Variants in GOLGB1 observed in about 807,000 individuals in gnomAD.
GOLGB1 encodes golgin subfamily B member 1.
A neutral mutation model predicts 336.9 loss-of-function variants in GOLGB1; 174 were observed. The observed-to-expected ratio is 0.52, with a 90% CI of 0.46 to 0.59. The LOEUF (loss-of-function observed/expected upper bound fraction) is 0.59, where lower values mean the gene tolerates loss of function less well. Ranked by LOEUF, GOLGB1 falls within the 20% of genes least tolerant of loss-of-function variation. GOLGB1 has a pLI of 0.00. For synonymous variants in GOLGB1, 1,208 were observed against 1,289.2 expected (o/e 0.94, Z 1.35); for missense variants, 3,331 against 3,645.3 (o/e 0.91, Z 2.22).
chr3:121,717,981 T>C (rs1395109004), intron 8 of GOLGB1, among the ~76,000 whole-genome samples: 2 of 152,210 alleles, frequency 1.3e-5, no homozygotes, highest in Non-Finnish European at 2.9e-5. Flanking sequence ...ATATTTGCCT[T>C]TGATCTGTTA....
At chr3:121,674,634 G>T (rs1940068703) in intron 17 of GOLGB1, among the ~76,000 whole-genome samples, 1 of 152,152 alleles carries the variant, frequency 6.6e-6, no homozygotes, top group Non-Finnish European at 1.5e-5. Context: ...TATGCTGACA[G>T]CCCATCTACT....
At chr3:121,727,127 C>A in intron 4 of GOLGB1, 86 bp from the exon 5 acceptor site, 1 of 721,728 alleles carries the variant, frequency 1.4e-6, no homozygotes, top group Non-Finnish European at 2.0e-6. Context: ...TCATTTACAA[C>A]CATTTAGTTA....
chr3:121,672,705 T>G (rs1165148280), intron 17 of GOLGB1, among the ~76,000 whole-genome samples: 7 of 152,250 alleles, frequency 4.6e-5, no homozygotes, highest in African/African-American at 1.7e-4. Flanking sequence ...AAGCCTTGGC[T>G]AGATCCATGT....
chr3:121,716,467 T>C (rs1944782815), intron 9 of GOLGB1, among the ~76,000 whole-genome samples: 1 of 152,204 alleles, frequency 6.6e-6, no homozygotes. Flanking sequence ...ATCCTTCAGA[T>C]CAGTCATATT....
At chr3:121,683,592 A>G (rs906384717) in intron 14 of GOLGB1, among the ~76,000 whole-genome samples, 13 of 152,206 alleles carry the variant, frequency 8.5e-5, no homozygotes, top group Non-Finnish European at 1.8e-4. Flanking sequence ...CCCCTTAAAC[A>G]TGAAGAGTAC....
intron 17 of GOLGB1, among the ~76,000 whole-genome samples, chr3:121,672,005 T>A (rs1939611537): frequency 6.6e-6 from 1 of 152,264 alleles, no homozygotes; most frequent in African/African-American, 2.4e-5. Flanking sequence ...TAATATTCCC[T>A]TGTGTACATA....
rs539510780 is a variant in GOLGB1, at chr3:121,693,567, A to G, written c.6782+174T>C. The stretch of plus-strand genomic sequence containing the variant: ...AGATGCGAACTTTTCATGTTCATGC[A>G]GTTGTAGCAGGATTGTTGTTTGCCA... On this transcript the variant is annotated intron_variant, in intron 13 of 21. Transcript: ENST00000614479. Among the ~76,000 whole-genome samples, 9 of 152,302 alleles carry G rather than the reference A, an allele frequency of 5.9e-5. No individual in the cohort carries two copies. The South Asian group carries it at 1.9e-3, about 32-fold the overall frequency.
chr3:121,675,966 G>A lies in GOLGB1; in HGVS notation c.9177+927C>T, dbSNP rs9837056. Among the ~76,000 whole-genome samples the A allele has an allele frequency of 3.3e-3, 505 of 152,262 alleles. 6 individuals carry two copies. Among genetic ancestry groups the A allele is most frequent in the African/African-American group, 0.011 (474 of 41,542 alleles). ...TAGAGCTGTAAAGGGTGGAACTTCC[G>A]GAAATAGCTGATTTGCTGGAAGGGG... On this transcript the variant is annotated intron_variant, in intron 17 of 21. Transcript: ENST00000614479.
At chr3:121,740,696 AAG>A (rs529492585) in intron 1 of GOLGB1, among the ~76,000 whole-genome samples, 184 of 152,356 alleles carry the variant, frequency 1.2e-3, no homozygotes, top group Non-Finnish European at 1.6e-3. Flanking sequence ...GTAAGAAATT[AAG>A]AGTTACATAG....
At chr3:121,725,343 C>A (rs576134891) in intron 5 of GOLGB1, among the ~76,000 whole-genome samples, 28 of 152,282 alleles carry the variant, frequency 1.8e-4, no homozygotes, top group Admixed American at 3.3e-4. Context: ...GCAGAGGATG[C>A]TGAAAATGGA....
intron 14 of GOLGB1, among the ~76,000 whole-genome samples, chr3:121,687,253 C>T (rs1351805205): frequency 1.3e-5 from 2 of 152,124 alleles, no homozygotes; most frequent in Admixed American, 6.5e-5. Flanking sequence ...GAGAGCAAGA[C>T]TCCATCTCAA....
At chr3:121,681,351 G>C (rs1473327499) in intron 15 of GOLGB1, among the ~76,000 whole-genome samples, 1 of 152,218 alleles carries the variant, frequency 6.6e-6, no homozygotes, top group Non-Finnish European at 1.5e-5. Flanking sequence ...CTATAAACTA[G>C]TAGCACAAAG....
Position 121,691,475 on chromosome 3 carries a change from C to T in GOLGB1, c.7889G>A (p.Gly2630Asp), listed in dbSNP as rs1942411046. Residue 2630 changes from glycine to aspartate, a missense_variant, in exon 14 of 22, where the codon GGT (glycine) becomes GAT (aspartate). Gly to Asp is a moderately conservative substitution (Grantham distance 94, BLOSUM62 -1). Transcript: ENST00000614479. ...TRQVTALQEE[G>D]TLGLYHAQLK... ...CTGGGCATGATAGAGTCCTAAAGTA[C>T]CTTCTTCTTGCAAGGCTGTTACTTG... 9.9e-6 allele frequency: 16 copies of T among 1,613,338 alleles called. No homozygotes were observed. Among genetic ancestry groups the T allele is most frequent in the Non-Finnish European group, 1.4e-5 (16 of 1,179,880 alleles).
chr3:121,727,289 C>CATATATATATATATATATATAT (rs1216701208), intron 4 of GOLGB1, among the ~76,000 whole-genome samples: 1 of 44,374 alleles, frequency 2.3e-5, no homozygotes, highest in East Asian at 8.5e-4. Flanking sequence ...CATACACACA[C>CATATATATATATATATATATAT]ACACATATAT....
chr3:121,677,414 TCTC>T lies in GOLGB1; in HGVS notation c.8907_8909del (p.Arg2970del). ...TAGCCATAAGGTACTGTTCCTTCAT[TCTC>T]CTCTCATGTATTTCCCAGGAACTCT... On this transcript the variant is annotated inframe_deletion, in exon 16 of 22. Transcript: ENST00000614479. 1 of 1,609,042 alleles carries T rather than the reference TCTC, an allele frequency of 6.2e-7. No homozygotes were observed. The highest frequency in any genetic ancestry group is 8.5e-7 in the Non-Finnish European group (1 of 1,175,464).
chr3:121,729,945 CA>C lies in GOLGB1; in HGVS notation c.168del (p.Tyr56Ter). The C allele has an allele frequency of 6.2e-7, 1 of 1,609,696 alleles. No individual in the cohort carries two copies. Among genetic ancestry groups the C allele is most frequent in the East Asian group, 2.2e-5 (1 of 44,860 alleles). ...TTTAGCTCCACCACCAATTGCTCTG[CA>C]TAAGCCAGGCGCTCCTGAACATCTT... ...TQEDVQERLA[Y>X]AEQLVVELKD... On this transcript the variant is annotated frameshift_variant, in exon 3 of 22. Coordinates refer to ENST00000614479, the MANE Select transcript of GOLGB1 (RefSeq NM_001366282.2). LOFTEE classifies it high-confidence loss of function.
rs1943117511 is a variant in GOLGB1, at chr3:121,698,265, T to C, written c.2258A>G (p.Gln753Arg). The change falls in exon 13 of 22, where the codon CAG becomes CGG. Residue 753 changes from glutamine (Q) to arginine (R), a missense_variant. Coordinates refer to ENST00000614479, the MANE Select transcript of GOLGB1 (RefSeq NM_001366282.2). ...AFTALSEERD[Q>R]LLSQVKELSM... ...AAGTTCCTTCACCTGAGAGAGAAGC[T>C]GGTCTCTTTCTTCAGACAAAGCAGT... 6.2e-7 allele frequency: 1 copy of C among 1,613,854 alleles called. No individual in the cohort carries two copies. The highest frequency in any genetic ancestry group is 1.3e-5 in the African/African-American group (1 of 74,910).
rs1338261793 is a variant in GOLGB1 at position 121,727,333 on chromosome 3, T to A, written c.403-292A>T. ...ATATATATATATATTTTTTTTTTTT[T>A]TTTTTTTTTTTTTTTCCCTCACACC... On this transcript the variant is annotated intron_variant, in intron 4 of 21. Transcript: ENST00000614479. Among the ~76,000 whole-genome samples the A allele has an allele frequency of 3.2e-3, 410 of 129,960 alleles. 2 individuals are homozygous for A. The highest frequency in any genetic ancestry group is 5.3e-3 in the Non-Finnish European group (324 of 60,670). 85.3% of individuals were successfully genotyped at this position (129,960 alleles called of 152,430 possible).
At chr3:121,742,280 T>A (rs1229591564) in intron 1 of GOLGB1, among the ~76,000 whole-genome samples, 3 of 152,022 alleles carry the variant, frequency 2.0e-5, no homozygotes, top group African/African-American at 7.3e-5. Context: ...CATAGACCAA[T>A]GGAACAGAAC....
Sources: allele counts gnomAD v4.1 joint callset (sites outside exome capture counted in the v4.1 genomes callset), GRCh38; gene constraint gnomAD v4.1.1; transcripts MANE v1.5; gene names NCBI Gene and HGNC (gene_info 2026-07-23, HGNC 2026-07-21).